The following ZW10 variants were observed in gnomAD, a reference collection of about 807,000 sequenced individuals.
ZW10 encodes the protein centromere/kinetochore protein zw10 homolog.
Under a neutral mutation model 87.8 loss-of-function variants are expected in ZW10, and 53 were observed. That is an observed-to-expected ratio of 0.60 (90% confidence interval 0.48 to 0.76). ZW10 has a LOEUF of 0.76. ZW10 is among the 30% of genes least tolerant of loss of function. ZW10 has a pLI of 0.00. For synonymous variants in ZW10, 312 were observed against 329.2 expected (o/e 0.95, Z 0.57); for missense variants, 837 against 923.0 (o/e 0.91, Z 1.21).
intron 9 of ZW10, among the ~76,000 whole-genome samples, 200 bp downstream of exon 9, chr11:113,747,331 G>A (rs1045297813): frequency 2.0e-5 from 3 of 152,034 alleles, no homozygotes; most frequent in Admixed American, 2.0e-4. Flanking sequence ...GTGCATTATC[G>A]TATCTGCACT....
chr11:113,757,058 T>C (rs1302100728), intron 7 of ZW10, among the ~76,000 whole-genome samples: 1 of 151,750 alleles, frequency 6.6e-6, no homozygotes, highest in African/African-American at 2.4e-5. Context: ...AGCCAGGCTA[T>C]TCAATATGAC....
intron 5 of ZW10, among the ~76,000 whole-genome samples, chr11:113,759,848 AG>A (rs1445647077): frequency 6.6e-6 from 1 of 152,222 alleles, no homozygotes; most frequent in Non-Finnish European, 1.5e-5. Context: ...ATAAACTGCT[AG>A]GATTAGGGCT....
intron 11 of ZW10, among the ~76,000 whole-genome samples, chr11:113,740,599 A>G (rs1308770628): frequency 6.6e-6 from 1 of 152,222 alleles, no homozygotes. Flanking sequence ...ATGAAATTAA[A>G]TGAATGGAAT....
chr11:113,766,698 A>AAT (rs1226578405), intron 2 of ZW10, among the ~76,000 whole-genome samples: 111 of 119,410 alleles, frequency 9.3e-4, no homozygotes, highest in Non-Finnish European at 1.1e-3. Flanking sequence ...AAAAAAAAAA[A>AAT]TTAATTTTTA....
At chr11:113,744,192 C>A in intron 9 of ZW10, 152 bp from the exon 10 acceptor site, 1 of 635,720 alleles carries the variant, frequency 1.6e-6, no homozygotes, top group Non-Finnish European at 2.7e-6. Flanking sequence ...TCGAGACCAT[C>A]CTGGCTAACA....
intron 2 of ZW10, among the ~76,000 whole-genome samples, chr11:113,768,106 G>T (rs17541779): frequency 0.078 from 11,840 of 152,172 alleles, 567 homozygotes; most frequent in African/African-American, 0.13. Flanking sequence ...ACACTGCCTG[G>T]CACCTTTTAA....
chr11:113,758,751 A>G, intron 5 of ZW10, 45 bp from the exon 6 acceptor site: 1 of 1,588,118 alleles, frequency 6.3e-7, no homozygotes, highest in African/African-American at 1.3e-5. Context: ...CCAATATGAG[A>G]TGTTCCCACT....
intron 7 of ZW10, among the ~76,000 whole-genome samples, chr11:113,756,966 A>C (rs921666141): frequency 6.6e-6 from 1 of 152,198 alleles, no homozygotes; most frequent in African/African-American, 2.4e-5. Flanking sequence ...ATTTATACAT[A>C]AATATACAGT....
chr11:113,739,113 C>A, intron 12 of ZW10, 100 bp downstream of exon 12: 1 of 1,346,294 alleles, frequency 7.4e-7, no homozygotes, highest in East Asian at 2.5e-5. Context: ...AGCTCAGGAC[C>A]ACCACCTAAT....
rs763655094 is a variant in ZW10 at position 113,739,314 on chromosome 11, T to C, written c.1652A>G (p.His551Arg). 1.9e-6 allele frequency: 3 copies of C among 1,613,688 alleles called. No individual in the cohort carries two copies. Among genetic ancestry groups the C allele is most frequent in the South Asian group, 1.1e-5 (1 of 90,958 alleles). Reference sequence around the variant, plus strand: ...GAACTGATGCCCGAGGGTCAGCAAGTGGTGAGCAATGTACATACAGTTGTT... The same window carrying C: ...GAACTGATGCCCGAGGGTCAGCAAGCGGTGAGCAATGTACATACAGTTGTT... ...HHNNCMYIAH[H>R]LLTLGHQFRL... The change falls in exon 12 of 16, where the codon CAC becomes CGC. Residue 551 changes from histidine (H) to arginine (R), a missense_variant. His to Arg is a conservative substitution (Grantham distance 29). Transcript: ENST00000200135.
At chr11:113,737,861 G>A (rs1358235426) in intron 13 of ZW10, among the ~76,000 whole-genome samples, 158 bp from the exon 14 acceptor site, 2 of 152,208 alleles carry the variant, frequency 1.3e-5, no homozygotes, top group East Asian at 1.9e-4. Flanking sequence ...TTTAACCATA[G>A]TGATATCCCT....
intron 5 of ZW10, 36 bp from the exon 6 acceptor site, chr11:113,758,742 C>T: frequency 6.2e-7 from 1 of 1,603,966 alleles, no homozygotes; most frequent in Non-Finnish European, 8.5e-7. Context: ...GCTGTCTCAC[C>T]AATATGAGAT....
At chr11:113,739,091 A>G (rs1373829005) in intron 12 of ZW10, 122 bp downstream of exon 12, 2 of 1,067,004 alleles carry the variant, frequency 1.9e-6, no homozygotes, top group Non-Finnish European at 1.3e-6. Flanking sequence ...ATGCCCTCCC[A>G]CTTTCTGATA....
At chr11:113,767,177 TAA>T (rs34930485) in intron 2 of ZW10, among the ~76,000 whole-genome samples, 203 of 137,540 alleles carry the variant, frequency 1.5e-3, no homozygotes, top group Middle Eastern at 7.6e-3. Context: ...CTACGATGAT[TAA>T]AAAAAAAAAA....
At chr11:113,738,199 A>G (rs952203920) in intron 13 of ZW10, 65 bp downstream of exon 13, 7 of 1,500,726 alleles carry the variant, frequency 4.7e-6, no homozygotes, top group South Asian at 1.4e-5. Flanking sequence ...GCTTTAAAAA[A>G]GCAAACAAAA....
chr11:113,756,193 A>T (rs1953782844), intron 7 of ZW10, among the ~76,000 whole-genome samples: 1 of 152,216 alleles, frequency 6.6e-6, no homozygotes, highest in African/African-American at 2.4e-5. Flanking sequence ...AGGAGGATGC[A>T]AATGCACAGA....
At chr11:113,757,220 C>A (rs2457375) in intron 7 of ZW10, among the ~76,000 whole-genome samples, 135,069 of 152,238 alleles carry the variant, frequency 0.89, 60,543 homozygotes, top group East Asian at 0.95. Context: ...GTGAATACAC[C>A]AAGATCAACA....
intron 2 of ZW10, among the ~76,000 whole-genome samples, chr11:113,766,714 TA>T (rs146609877): frequency 1.1e-4 from 14 of 123,524 alleles, no homozygotes; most frequent in African/African-American, 2.5e-4. Context: ...TTTTAAAAAT[TA>T]AAAAAAAAAA....
chr11:113,742,518 A>T (rs1460490867), intron 10 of ZW10, among the ~76,000 whole-genome samples: 1 of 152,208 alleles, frequency 6.6e-6, no homozygotes, highest in South Asian at 2.1e-4. Context: ...TTTGAGTTTG[A>T]TAATGAAAAA....
Sources: allele counts gnomAD v4.1 joint callset (sites outside exome capture counted in the v4.1 genomes callset), GRCh38; gene constraint gnomAD v4.1.1; transcripts MANE v1.5; gene names NCBI Gene and HGNC (gene_info 2026-07-23, HGNC 2026-07-21).